WDR27: variants seen among roughly 807,000 people sequenced by gnomAD.
WDR27 encodes the protein WD repeat-containing protein 27.
In WDR27, 100 loss-of-function variants were observed where a neutral mutation model predicts 114.4. The ratio of observed to expected loss-of-function variants is 0.87; its 90% CI spans 0.74 to 1.03. The LOEUF is 1.03. Among genes scored for constraint, WDR27 ranks in the 50% least tolerant of loss-of-function variants. The pLI, the probability that WDR27 is intolerant of heterozygous loss-of-function variation, is 0.00. For synonymous variants in WDR27, 449 were observed against 423.1 expected (o/e 1.06, Z -0.75); for missense variants, 1,129 against 1,092.9 (o/e 1.03, Z -0.47).
At position 169,646,152 on chromosome 6, in the gene WDR27, CAG is replaced by C. The variant is rs570374368; in HGVS notation, c.1657+1619_1657+1620del. Among the ~76,000 whole-genome samples the C allele has an allele frequency of 5.9e-5, 9 of 152,314 alleles. No homozygotes were observed. In the South Asian group the frequency reaches 1.9e-3, roughly 32 times the overall value. ...CATCGGCATGGGGGTCTGCAGGTGC[CAG>C]ACCGTGTTAATCCTTTCTCACATCC... On this transcript the variant is annotated intron_variant, in intron 16 of 25. Coordinates refer to ENST00000448612, the MANE Select transcript of WDR27 (RefSeq NM_182552.5).
At chr6:169,539,033 A>C (rs897656924) in intron 25 of WDR27, among the ~76,000 whole-genome samples, 25 of 152,244 alleles carry the variant, frequency 1.6e-4, no homozygotes, top group African/African-American at 5.3e-4. Context: ...GAATGAGTTG[A>C]CATTCTAGTC....
At chr6:169,540,852 T>A (rs1252140092) in intron 25 of WDR27, among the ~76,000 whole-genome samples, 1 of 152,176 alleles carries the variant, frequency 6.6e-6, no homozygotes, top group East Asian at 1.9e-4. Flanking sequence ...TCCATCACTC[T>A]CCTGGGTTAG....
At chr6:169,563,564 T>C (rs959424696) in intron 25 of WDR27, among the ~76,000 whole-genome samples, 11 of 152,274 alleles carry the variant, frequency 7.2e-5, no homozygotes, top group East Asian at 1.9e-4. Flanking sequence ...GGGATGTCTG[T>C]GAAGGAGGCT....
At chr6:169,502,050 G>A (rs372141183) in intron 25 of WDR27, among the ~76,000 whole-genome samples, 6 of 152,170 alleles carry the variant, frequency 3.9e-5, no homozygotes, top group Admixed American at 1.3e-4. Context: ...TGCCCTGAAC[G>A]GAGCCGCACG....
chr6:169,595,511 T>A (rs1806609252), intron 23 of WDR27, among the ~76,000 whole-genome samples: 1 of 152,190 alleles, frequency 6.6e-6, no homozygotes, highest in Non-Finnish European at 1.5e-5. Context: ...ATACTCTTAA[T>A]TACATTTAAG....
At chr6:169,467,187 C>G (rs1455129587) in intron 25 of WDR27, among the ~76,000 whole-genome samples, 1 of 152,208 alleles carries the variant, frequency 6.6e-6, no homozygotes, top group Admixed American at 6.5e-5. Context: ...CAGGGTACAG[C>G]CTCCCACCCA....
chr6:169,675,152 T>C (rs994383853), intron 2 of WDR27, among the ~76,000 whole-genome samples: 2 of 152,170 alleles, frequency 1.3e-5, no homozygotes, highest in Admixed American at 6.5e-5. Context: ...AAATCCCACG[T>C]TGAGATGTAA....
At chr6:169,679,467 G>A (rs2128311793) in intron 2 of WDR27, among the ~76,000 whole-genome samples, 1 of 152,336 alleles carries the variant, frequency 6.6e-6, no homozygotes, top group East Asian at 1.9e-4. Flanking sequence ...ATCTCATGTG[G>A]AGATGTAATC....
intron 20 of WDR27, among the ~76,000 whole-genome samples, chr6:169,633,712 T>C (rs1005921184): frequency 6.6e-5 from 10 of 152,356 alleles, no homozygotes; most frequent in African/African-American, 1.4e-4. Flanking sequence ...GGTGTTAGCG[T>C]TGGATTACTC....
At chr6:169,523,624 G>C (rs1166215080) in intron 25 of WDR27, among the ~76,000 whole-genome samples, 3 of 151,772 alleles carry the variant, frequency 2.0e-5, no homozygotes, top group Non-Finnish European at 2.9e-5. Flanking sequence ...TTCATCCTGG[G>C]GATGCCAACA....
intron 25 of WDR27, among the ~76,000 whole-genome samples, chr6:169,505,944 A>C (rs1791949983): frequency 6.6e-6 from 1 of 152,198 alleles, no homozygotes; most frequent in South Asian, 2.1e-4. Context: ...CGCTGCCCAC[A>C]TGCACCACTT....
intron 25 of WDR27, among the ~76,000 whole-genome samples, chr6:169,561,918 T>C (rs1382316876): frequency 1.3e-5 from 2 of 152,200 alleles, no homozygotes; most frequent in Non-Finnish European, 2.9e-5. Context: ...GTGGCTATAT[T>C]AATATCGGAC....
At chr6:169,547,227 A>T (rs1431265634) in intron 25 of WDR27, among the ~76,000 whole-genome samples, 2 of 152,178 alleles carry the variant, frequency 1.3e-5, no homozygotes, top group Admixed American at 1.3e-4. Context: ...TCACTGGTGA[A>T]TTATACCAGA....
At chr6:169,477,668 G>A (rs1315477094) in intron 25 of WDR27, among the ~76,000 whole-genome samples, 1 of 152,140 alleles carries the variant, frequency 6.6e-6, no homozygotes, top group East Asian at 1.9e-4. Flanking sequence ...TGAAGCCCAA[G>A]CCTCAAGTGA....
At chr6:169,562,592 G>T (rs139920127) in intron 25 of WDR27, among the ~76,000 whole-genome samples, 1 of 152,204 alleles carries the variant, frequency 6.6e-6, no homozygotes, top group East Asian at 1.9e-4. Flanking sequence ...AACTCTGCAG[G>T]ATGACAAGCT....
intron 25 of WDR27, among the ~76,000 whole-genome samples, chr6:169,560,137 G>C (rs1280906058): frequency 6.6e-6 from 1 of 152,058 alleles, no homozygotes; most frequent in African/African-American, 2.4e-5. Flanking sequence ...AGGGACCCAG[G>C]GGAAGGTAAC....
At position 169,582,741 on chromosome 6, in the gene WDR27, A is replaced by G. The variant is rs531402215; in HGVS notation, c.2523+95T>C. 5.2e-5 allele frequency: 50 copies of G among 954,894 alleles called. No homozygotes were observed. In the South Asian group the frequency reaches 7.6e-4, roughly 14 times the overall value. The allele number at this position is 954,894 out of a possible 1,614,324, so 59.2% of individuals were successfully genotyped here. On this transcript the variant is annotated intron_variant, in intron 24 of 25. Coordinates refer to ENST00000448612, the MANE Select transcript of WDR27 (RefSeq NM_182552.5). ...ACACTGGCATGTAACCTTAAGTATT[A>G]TAAGATTTCACCAAAATAAAGTCAT...
At chr6:169,686,346 AAGAAGTAACGAACAAAAG>A (rs1181127016) in intron 2 of WDR27, among the ~76,000 whole-genome samples, 2 of 152,206 alleles carry the variant, frequency 1.3e-5, no homozygotes, top group African/African-American at 2.4e-5. Context: ...ACAGTAAGAG[AAGAAGTAACGAACAAAAG>A]ATATACAACT....
At chr6:169,493,283 G>A (rs1365340110) in intron 25 of WDR27, among the ~76,000 whole-genome samples, 1 of 151,910 alleles carries the variant, frequency 6.6e-6, no homozygotes, top group East Asian at 1.9e-4. Flanking sequence ...GAAGATAAAT[G>A]CAAAATAATA....
Sources: allele counts gnomAD v4.1 joint callset (sites outside exome capture counted in the v4.1 genomes callset), GRCh38; gene constraint gnomAD v4.1.1; transcripts MANE v1.5; gene names NCBI Gene and HGNC (gene_info 2026-07-23, HGNC 2026-07-21).